PPP6R1: variants seen among roughly 807,000 people sequenced by gnomAD.
The protein encoded by PPP6R1 is protein phosphatase 6 regulatory subunit 1, also known as serine/threonine-protein phosphatase 6 regulatory subunit 1.
In PPP6R1, 39 loss-of-function variants were observed where a neutral mutation model predicts 104.6. That is an observed-to-expected ratio of 0.37 (90% CI 0.29 to 0.49). The LOEUF (loss-of-function observed/expected upper bound fraction) is 0.49. Ranked by LOEUF, PPP6R1 falls within the 20% of genes least tolerant of loss-of-function variation. The pLI, the probability that PPP6R1 is intolerant of heterozygous loss-of-function variation, is 0.98. For missense variants in PPP6R1, 1,181 were observed against 1,155.8 expected (o/e 1.02, Z -0.32); for synonymous variants, 549 against 479.0 (o/e 1.15, Z -1.91).
At chr19:55,228,779 C>T (rs2087310607), downstream of PPP6R1, 5 of 1,606,948 alleles carry the variant, frequency 3.1e-6, no homozygotes, top group East Asian at 2.2e-5. Flanking sequence ...AATCTGGGAG[C>T]GAGTGGCTTC....
chr19:55,243,529 G>A (rs949951894), intron 5 of PPP6R1, among the ~76,000 whole-genome samples: 3 of 152,116 alleles, frequency 2.0e-5, no homozygotes, highest in Non-Finnish European at 4.4e-5. Context: ...GCCAAGAATG[G>A]TGGTGTGCAT....
intron 1 of PPP6R1, among the ~76,000 whole-genome samples, chr19:55,248,350 G>A (rs978627868): frequency 3.3e-5 from 5 of 152,224 alleles, no homozygotes; most frequent in African/African-American, 1.2e-4. Context: ...AAGGCCATCT[G>A]GTCCCAGCAG....
intron 17 of PPP6R1, among the ~76,000 whole-genome samples, chr19:55,234,253 C>T (rs1178360429): frequency 6.6e-6 from 1 of 152,178 alleles, no homozygotes; most frequent in Admixed American, 6.5e-5. Flanking sequence ...AACAAACCTC[C>T]CATTTTCAAA....
intron 1 of PPP6R1, among the ~76,000 whole-genome samples, chr19:55,254,890 G>A (rs2087580852): frequency 6.6e-6 from 1 of 152,246 alleles, no homozygotes; most frequent in Admixed American, 6.5e-5. Flanking sequence ...GGGATGCAGT[G>A]ACAGTAATGG....
rs894750413 is a variant in PPP6R1, at chr19:55,242,174, C to T, written c.837G>A (p.Arg279=). 3.7e-6 allele frequency: 6 copies of T among 1,613,048 alleles called. No homozygotes were observed. Among genetic ancestry groups the T allele is most frequent in the South Asian group, 1.1e-5 (1 of 91,088 alleles). The change falls in exon 7 of 24, where the codon AGG becomes AGA. Residue 279 remains arginine, a synonymous_variant. Coordinates refer to ENST00000412770, the MANE Select transcript of PPP6R1 (RefSeq NM_014931.4). The stretch of plus-strand genomic sequence containing the variant: ...TGGCCCGTATCCCTCACCTCGGCCT[C>T]CTGGGCTCCAGCAGGGTCAGCAGCA... ...IQVLLTLLEP[R]RPRSESVTVN... is the part of the protein sequence containing the mutation.
intron 21 of PPP6R1, 58 bp from the exon 22 acceptor site, chr19:55,230,942 C>T (rs778661617): frequency 7.3e-7 from 1 of 1,370,392 alleles, no homozygotes; most frequent in Non-Finnish European, 1.0e-6. Flanking sequence ...CCTGCTGACA[C>T]CCTCACATCC....
rs763545646 is a variant in PPP6R1 at position 55,242,284 on chromosome 19, G to GGGGGCA, written c.732-11_732-6dup. 4 of 1,613,554 alleles carry GGGGGCA rather than the reference G, an allele frequency of 2.5e-6. No individual in the cohort carries two copies. The highest frequency in any genetic ancestry group is 2.2e-5 in the East Asian group (1 of 44,880). On this transcript the variant is annotated splice_region_variant and splice_polypyrimidine_tract_variant and intron_variant, in intron 6 of 23. Transcript: ENST00000412770. ...AGCTGCTCAATCGTCTCCTGCCTGC[G>GGGGGCA]GGGGCAGGGGCAGGGGTCAGGGTGA... is the stretch of plus-strand genomic sequence containing the variant.
chr19:55,239,634 A>G lies in PPP6R1; in HGVS notation c.1613T>C (p.Leu538Pro). 2 of 1,612,212 alleles carry G rather than the reference A, an allele frequency of 1.2e-6. No individual in the cohort carries two copies. The highest frequency in any genetic ancestry group is 2.2e-5 in the South Asian group (2 of 90,688). Reference protein sequence around the residue: ...HSSSDDEDDRLKEFNFPEEAV... With the variant: ...HSSSDDEDDRPKEFNFPEEAV... Reference sequence around the variant, plus strand: ...CTCCTCAGGGAAGTTGAACTCCTTGAGCCGGTCGTCCTCATCGTCACTGGA... The same window carrying G: ...CTCCTCAGGGAAGTTGAACTCCTTGGGCCGGTCGTCCTCATCGTCACTGGA... Residue 538 changes from leucine (L) to proline (P), a missense_variant, in exon 14 of 24, where the codon CTC (leucine) becomes CCC (proline). Coordinates refer to ENST00000412770, the MANE Select transcript of PPP6R1 (RefSeq NM_014931.4).
intron 1 of PPP6R1, 67 bp from the exon 2 acceptor site, chr19:55,247,176 G>T: frequency 6.7e-7 from 1 of 1,497,700 alleles, no homozygotes; most frequent in Non-Finnish European, 9.2e-7. Context: ...ACGAGGCACT[G>T]ACCACAGGGG....
At position 55,241,294 on chromosome 19, in the gene PPP6R1, T is replaced by C. The variant is rs200841391; in HGVS notation, c.1106A>G (p.Asn369Ser). ...GAGCTCGTGCGTCAGGGCTGCATCA[T>C]TGGCGCTCAGGGCACTGGCCAGGAG... ...VKLLASALSA[N>S]DAALTHELLA... Residue 369 changes from asparagine to serine, a missense_variant, in exon 9 of 24, where the codon AAT becomes AGT. By Grantham distance (46) the Asn-to-Ser change is conservative. Coordinates refer to ENST00000412770, the MANE Select transcript of PPP6R1 (RefSeq NM_014931.4). The surrounding 1 kb of genome is among the most constrained non-coding windows in gnomAD (Gnocchi z 5.4). 1.1e-3 allele frequency: 1,741 copies of C among 1,610,688 alleles called. 3 individuals are homozygous for C. The highest frequency in any genetic ancestry group is 4.8e-3 in the Middle Eastern group (29 of 6,054).
chr19:55,241,068 G>A lies in PPP6R1; in HGVS notation c.1173C>T (p.Phe391=), dbSNP rs370452155. ...GCAAGAAGTTGTTGAAGACATAATGGAAGAAGAGGTCCTATGGGAGGACAC... is the reference window on the plus strand; with the variant it reads ...GCAAGAAGTTGTTGAAGACATAATGAAAGAAGAGGTCCTATGGGAGGACAC... The part of the protein sequence containing the change: ...DVPNTMLDLF[F]HYVFNNFLHA... The change falls in exon 10 of 24, where the codon TTC becomes TTT. Residue 391 remains phenylalanine (F), a synonymous_variant. Transcript: ENST00000412770. This position sits in a 1 kb window ranked among gnomAD's most constrained non-coding sequence, Gnocchi z 5.4. 2.2e-4 allele frequency: 347 copies of A among 1,552,124 alleles called. No homozygotes were observed. The highest frequency in any genetic ancestry group is 2.8e-4 in the Non-Finnish European group (322 of 1,147,760).
intron 1 of PPP6R1, among the ~76,000 whole-genome samples, chr19:55,251,038 T>A (rs577125735): frequency 6.6e-6 from 1 of 152,180 alleles, no homozygotes; most frequent in African/African-American, 2.4e-5. Flanking sequence ...TTTGTCCTAA[T>A]AACTCACTTT....
At position 55,239,263 on chromosome 19, in the gene PPP6R1, G is replaced by A. The variant is rs116125178; in HGVS notation, c.1751+142C>T. 525 of 781,434 alleles carry A rather than the reference G, an allele frequency of 6.7e-4. 2 individuals are homozygous for A. In the African/African-American group the frequency reaches 6.8e-3, roughly 10 times the overall value. The allele number at this position is 781,434 out of a possible 1,614,324, so 48.4% of individuals were successfully genotyped here. On this transcript the variant is annotated intron_variant, in intron 15 of 23. Transcript: ENST00000412770. ...GCTGCAGACACACACACAAGGCCAC[G>A]GCCAACGCGTGCCCAGGAGGGGCCA...
chr19:55,237,150 T>C (rs892854760), intron 15 of PPP6R1, among the ~76,000 whole-genome samples, 180 bp from the exon 16 acceptor site: 2 of 152,208 alleles, frequency 1.3e-5, no homozygotes, highest in Non-Finnish European at 1.5e-5. Flanking sequence ...TACATGAATA[T>C]CAACATCTCA....
At position 55,239,868 on chromosome 19, in the gene PPP6R1, C is replaced by T. The variant is rs760913678; in HGVS notation, c.1521G>A (p.Ser507=). The change falls in exon 13 of 24, where the codon TCG becomes TCA. Residue 507 remains serine (S), a synonymous_variant. Coordinates refer to ENST00000412770, the MANE Select transcript of PPP6R1 (RefSeq NM_014931.4). ...EQQEQWEAFV[S]GPLAETNKKN... is the part of the protein sequence containing the mutation. ...TCTTGTTGGTCTCCGCCAGGGGCCCCGATACGAAGGCTTCCCACTGCTCCT... is the reference window on the plus strand; with the variant it reads ...TCTTGTTGGTCTCCGCCAGGGGCCCTGATACGAAGGCTTCCCACTGCTCCT... The T allele has an allele frequency of 1.9e-6, 3 of 1,613,912 alleles. No homozygotes were observed. The highest frequency in any genetic ancestry group is 1.7e-5 in the Admixed American group (1 of 60,020).
Position 55,231,808 on chromosome 19 carries a change from T to C in PPP6R1, c.2300A>G (p.Gln767Arg). 6.7e-7 allele frequency: 1 copy of C among 1,501,334 alleles called. No homozygotes were observed. Among genetic ancestry groups the C allele is most frequent in the Non-Finnish European group, 8.9e-7 (1 of 1,126,502 alleles). The allele number at this position is 1,501,334 out of a possible 1,614,324, so 93.0% of individuals were successfully genotyped here. A position where few individuals can be genotyped will look rare whatever the true frequency, so the allele number is the denominator to read the frequency against. The change falls in exon 19 of 24, where the codon CAG (glutamine) becomes CGG (arginine). Residue 767 changes from glutamine to arginine, a missense_variant. By Grantham distance (43) the Gln-to-Arg change is conservative (BLOSUM62 1). Around this residue, in one of 2 missense-constraint regions of PPP6R1, gnomAD observed 1,042 missense variants for 955.6 expected, o/e 1.09. Transcript: ENST00000412770. ...LASPPARDAL[Q>R]LRSQDPTPPS... Reference sequence around the variant, plus strand: ...CGTTCCATCCGGTTCTCACCTGAGCTGCAGGGCGTCACGGGCAGGAGGGCT... The same window carrying C: ...CGTTCCATCCGGTTCTCACCTGAGCCGCAGGGCGTCACGGGCAGGAGGGCT...
intron 17 of PPP6R1, among the ~76,000 whole-genome samples, chr19:55,234,809 C>A (rs1471547772): frequency 1.3e-5 from 2 of 152,172 alleles, no homozygotes; most frequent in Non-Finnish European, 2.9e-5. Context: ...AGCTCACAAG[C>A]AGAGTGTTGA....
Position 55,240,309 on chromosome 19 carries a change from G to C in PPP6R1, c.1297-9C>G, listed in dbSNP as rs777580265. On this transcript the variant is annotated splice_polypyrimidine_tract_variant and intron_variant, in intron 10 of 23. Transcript: ENST00000412770. ...CGGCACTGCTGCAGCAGCTGCGGGA[G>C]AGCGGGACAGGATGGCCTGGAGGGG... The C allele has an allele frequency of 1.5e-5, 24 of 1,584,960 alleles. No individual in the cohort carries two copies. Among genetic ancestry groups the C allele is most frequent in the Non-Finnish European group, 2.0e-5 (23 of 1,166,614 alleles).
intron 15 of PPP6R1, 38 bp downstream of exon 15, chr19:55,239,367 G>C: frequency 6.4e-7 from 1 of 1,571,172 alleles, no homozygotes; most frequent in Non-Finnish European, 8.7e-7. Flanking sequence ...TGCTGCAGAG[G>C]CAGGACAGGG....
Sources: gnomAD v4.1 joint callset for allele counts (sites outside exome capture counted in the v4.1 genomes callset) on GRCh38, gnomAD v4.1.1 for gene constraint, gnomAD v4.1.1 regional missense constraint, Gnocchi (gnomAD v3.1) non-coding constraint, MANE v1.5 for transcripts, NCBI Gene and HGNC (gene_info 2026-07-23, HGNC 2026-07-21) for gene names.